The following KCNQ1 variants were observed in gnomAD, a reference collection of about 807,000 sequenced individuals.
The protein encoded by KCNQ1 is potassium voltage-gated channel subfamily KQT member 1.
In KCNQ1, 49 loss-of-function variants were observed where a neutral mutation model predicts 72.4. That is an observed-to-expected ratio of 0.68 (90% CI 0.54 to 0.86). The LOEUF is 0.86. Ranked by LOEUF, KCNQ1 falls within the 40% of genes least tolerant of loss-of-function variation. The pLI is 0.00. For missense variants in KCNQ1, 790 were observed against 945.1 expected, an observed-to-expected ratio of 0.84 and a Z score of 2.15; for synonymous variants, 450 against 412.6, an observed-to-expected ratio of 1.09 and a Z score of -1.10.
intron 10 of KCNQ1, among the ~76,000 whole-genome samples, chr11:2,605,609 C>T (rs1259594384): frequency 2.0e-5 from 3 of 152,182 alleles, no homozygotes; most frequent in Admixed American, 6.5e-5. Context: ...TATATGGCTC[C>T]GTTTTTACAC....
rs1464113937 is a variant in KCNQ1, at chr11:2,603,408, A to T, written c.1393+14554A>T. Among the ~76,000 whole-genome samples the T allele has an allele frequency of 6.6e-6, 1 of 152,216 alleles. No homozygotes were observed. The highest frequency in any genetic ancestry group is 1.5e-5 in the Non-Finnish European group (1 of 68,048). On this transcript the variant is annotated intron_variant, in intron 10 of 15. Transcript: ENST00000155840. The surrounding 1 kb of genome is among the most constrained non-coding windows in gnomAD (Gnocchi z 4.1). Reference sequence around the variant, plus strand: ...TTAATTTTTTAAAAACACAATATCCACAAAGTGCAAAAAAGTGAAGTGTGC... The same window carrying T: ...TTAATTTTTTAAAAACACAATATCCTCAAAGTGCAAAAAAGTGAAGTGTGC...
chr11:2,651,867 AGTG>A lies in KCNQ1; in HGVS notation c.1394-10093_1394-10091del. 1 of 398,666 alleles carries A rather than the reference AGTG, an allele frequency of 2.5e-6. No individual in the cohort carries two copies. Among genetic ancestry groups the A allele is most frequent in the Non-Finnish European group, 4.4e-6 (1 of 226,100 alleles). 24.7% of individuals were successfully genotyped at this position (398,666 alleles called of 1,614,324 possible). ...ATGCCACCACATCTTTTCTTGAAGT[AGTG>A]TTCAGGCTGAGGGGGTCATAGCCGA... On this transcript the variant is annotated intron_variant, in intron 10 of 15. Coordinates refer to ENST00000155840, the MANE Select transcript of KCNQ1 (RefSeq NM_000218.3). This position sits in a 1 kb window ranked among gnomAD's most constrained non-coding sequence, Gnocchi z 6.1.
chr11:2,632,794 A>T, intron 10 of KCNQ1: 1 of 398,456 alleles, frequency 2.5e-6, no homozygotes, highest in Non-Finnish European at 4.4e-6. Context: ...TTGTGTATAC[A>T]TACCACATTC....
intron 10 of KCNQ1, chr11:2,640,307 G>A: frequency 2.5e-6 from 1 of 398,206 alleles, no homozygotes. Context: ...ACTCACGCTG[G>A]GAGCTATAGA....
chr11:2,488,696 T>C lies in KCNQ1; in HGVS notation c.387-39232T>C, dbSNP rs537747099. ...TTTATTTCTGTAGAATTGATAGTCA[T>C]GTCCCTATTTTCACTTCTGATTTCA... On this transcript the variant is annotated intron_variant, in intron 1 of 15. Coordinates refer to ENST00000155840, the MANE Select transcript of KCNQ1 (RefSeq NM_000218.3). The surrounding 1 kb of genome is among the most constrained non-coding windows in gnomAD (Gnocchi z 5.1). Among the ~76,000 whole-genome samples the C allele has an allele frequency of 6.6e-6, 1 of 152,240 alleles. No homozygotes were observed. Among genetic ancestry groups the C allele is most frequent in the African/African-American group, 2.4e-5 (1 of 41,474 alleles).
At chr11:2,800,666 C>T (rs915078406) in intron 15 of KCNQ1, among the ~76,000 whole-genome samples, 1 of 152,208 alleles carries the variant, frequency 6.6e-6, no homozygotes, top group Non-Finnish European at 1.5e-5. Flanking sequence ...AGGTCCAACG[C>T]CCAGCTTATC....
intron 11 of KCNQ1, among the ~76,000 whole-genome samples, chr11:2,744,863 G>A (rs1352893489): frequency 2.6e-5 from 4 of 152,054 alleles, no homozygotes; most frequent in African/African-American, 9.7e-5. Context: ...TCCGTGGAGT[G>A]ACTCCCCTTC....
chr11:2,646,277 C>T (rs1849664090), intron 10 of KCNQ1: 1 of 398,600 alleles, frequency 2.5e-6, no homozygotes, highest in Non-Finnish European at 4.4e-6. Context: ...GATTTCATAG[C>T]ATCTGTATAT....
At chr11:2,532,331 G>T (rs1402093211) in intron 2 of KCNQ1, among the ~76,000 whole-genome samples, 1 of 152,198 alleles carries the variant, frequency 6.6e-6, no homozygotes, top group Non-Finnish European at 1.5e-5. Flanking sequence ...CAGCGAGGAT[G>T]ACCCAGCTTG....
chr11:2,572,795 G>A, intron 5 of KCNQ1, 51 bp from the exon 6 acceptor site: 1 of 1,611,508 alleles, frequency 6.2e-7, no homozygotes, highest in Non-Finnish European at 8.5e-7. Context: ...TGCACAGGAG[G>A]CTCCCAGCCT....
At chr11:2,771,458 G>C (rs190536616) in intron 12 of KCNQ1, 4 of 152,352 alleles carry the variant, frequency 2.6e-5, no homozygotes, top group African/African-American at 9.6e-5. Flanking sequence ...GGGAGTTGCA[G>C]CTCTCTGTAA....
rs763462603 is a variant in KCNQ1 at position 2,570,664 on chromosome 11, GTGGTCCGCCTC to G, written c.524_534del (p.Leu175ArgfsTer106). The stretch of plus-strand genomic sequence containing the variant: ...GGTGGTGTTCTTCGGGACGGAGTAC[GTGGTCCGCCTC>G]TGGTCCGCCGGCTGCCGCAGCAAGT... On this transcript the variant is annotated frameshift_variant, in exon 3 of 16. Transcript: ENST00000155840. LOFTEE classifies it high-confidence loss of function. 1.9e-6 allele frequency: 3 copies of G among 1,612,646 alleles called. No homozygotes were observed. Among genetic ancestry groups the G allele is most frequent in the Non-Finnish European group, 2.5e-6 (3 of 1,179,992 alleles).
rs78225933 is a variant in KCNQ1 at position 2,509,075 on chromosome 11, G to A, written c.387-18853G>A. Among the ~76,000 whole-genome samples the A allele has an allele frequency of 5.4e-4, 82 of 152,306 alleles. No homozygotes were observed. The East Asian group carries it at 0.013, about 23-fold the overall frequency. On this transcript the variant is annotated intron_variant, in intron 1 of 15. Coordinates refer to ENST00000155840, the MANE Select transcript of KCNQ1 (RefSeq NM_000218.3). This position sits in a 1 kb window ranked among gnomAD's most constrained non-coding sequence, Gnocchi z 6.3. ...GAGCTATTGCTCAGGGTGAAATAGA[G>A]GTCTTGAAATTAGTACAACACATGC...
chr11:2,451,839 C>T lies in KCNQ1; in HGVS notation c.386+6355C>T, dbSNP rs1246165484. Among the ~76,000 whole-genome samples the T allele has an allele frequency of 1.3e-5, 2 of 152,200 alleles. No homozygotes were observed. The highest frequency in any genetic ancestry group is 4.8e-5 in the African/African-American group (2 of 41,452). On this transcript the variant is annotated intron_variant, in intron 1 of 15. Coordinates refer to ENST00000155840, the MANE Select transcript of KCNQ1 (RefSeq NM_000218.3). This position sits in a 1 kb window ranked among gnomAD's most constrained non-coding sequence, Gnocchi z 6.4. ...ACTAGGCCTGGCCACTTTGCTCATG[C>T]CACACCCAGAAAGCCCTCAGGACAC...
intron 10 of KCNQ1, chr11:2,656,096 T>G: frequency 2.5e-6 from 1 of 398,652 alleles, no homozygotes; most frequent in Non-Finnish European, 4.4e-6. Flanking sequence ...CATGGGTGTT[T>G]GGAAAGCAAC....
Position 2,769,841 on chromosome 11 carries a change from T to A in KCNQ1, c.1590+922T>A, listed in dbSNP as rs1846562596. Among the ~76,000 whole-genome samples the A allele has an allele frequency of 6.6e-6, 1 of 152,014 alleles. No homozygotes were observed. The highest frequency in any genetic ancestry group is 6.5e-5 in the Admixed American group (1 of 15,280). On this transcript the variant is annotated intron_variant, in intron 12 of 15. Transcript: ENST00000155840. This position sits in a 1 kb window ranked among gnomAD's most constrained non-coding sequence, Gnocchi z 4.6. Reference sequence around the variant, plus strand: ...TTCTGAGCTGGGGGCCCCTGGCACCTCAGCCACAGCCTCACCAGTCATAAG... The same window carrying A: ...TTCTGAGCTGGGGGCCCCTGGCACCACAGCCACAGCCTCACCAGTCATAAG...
At chr11:2,584,531 G>T (rs1273650267) in intron 7 of KCNQ1, among the ~76,000 whole-genome samples, 1 of 146,876 alleles carries the variant, frequency 6.8e-6, no homozygotes, top group Non-Finnish European at 1.5e-5. Context: ...GTTAGTGTGT[G>T]TGTTAGTATG....
chr11:2,837,082 A>G (rs370548183), intron 15 of KCNQ1, among the ~76,000 whole-genome samples: 48 of 152,286 alleles, frequency 3.2e-4, no homozygotes, highest in African/African-American at 1.1e-3. Flanking sequence ...GGGGATGGGC[A>G]GGATGGGGCA....
chr11:2,557,891 T>C (rs941095035), intron 2 of KCNQ1, among the ~76,000 whole-genome samples: 4 of 152,220 alleles, frequency 2.6e-5, no homozygotes, highest in African/African-American at 9.7e-5. Context: ...TTTGTTCCCT[T>C]ATGTCTGCGG....
Sources: gnomAD v4.1 joint callset for allele counts (sites outside exome capture counted in the v4.1 genomes callset) on GRCh38, gnomAD v4.1.1 for gene constraint, Gnocchi (gnomAD v3.1) non-coding constraint, MANE v1.5 for transcripts, NCBI Gene and HGNC (gene_info 2026-07-23, HGNC 2026-07-21) for gene names.